CRYBB3: variants seen among roughly 807,000 people sequenced by gnomAD.
CRYBB3 encodes the protein crystallin beta B3.
A neutral mutation model predicts 28.3 loss-of-function variants in CRYBB3; 35 were observed. That is an observed-to-expected ratio of 1.24 (90% CI 0.95 to 1.64). The LOEUF is 1.64. Ranked by LOEUF, CRYBB3 falls within the 40% of genes most tolerant of loss-of-function variation. The pLI is 0.00. For missense variants in CRYBB3, 296 were observed against 297.4 expected, an observed-to-expected ratio of 1.00 and a Z score of 0.04; for synonymous variants, 106 against 110.4, an observed-to-expected ratio of 0.96 and a Z score of 0.25.
chr22:25,205,456 A>G lies in CRYBB3; in HGVS notation c.470+94A>G. The G allele has an allele frequency of 2.4e-6, 3 of 1,238,968 alleles. 1 individual carries two copies. Among genetic ancestry groups the G allele is most frequent in the Admixed American group, 6.6e-5 (2 of 30,340 alleles). The allele number at this position is 1,238,968 out of a possible 1,614,324, so 76.7% of individuals were successfully genotyped here. On this transcript the variant is annotated intron_variant, in intron 5 of 5. Transcript: ENST00000215855. ...AGTGCCCATAGTTTCTTATTATTTT[A>G]TTTATTTATTTATTTATTTTTGAGA...
chr22:25,207,132 G>C lies in CRYBB3; in HGVS notation c.556G>C (p.Ala186Pro). The C allele has an allele frequency of 6.2e-7, 1 of 1,613,346 alleles. No homozygotes were observed. The highest frequency in any genetic ancestry group is 1.1e-5 in the South Asian group (1 of 91,076). ...GEYRHWNEWDASQPQLQSVRR... is the reference protein window; with the variant it reads ...GEYRHWNEWDPSQPQLQSVRR... Reference sequence around the variant, plus strand: ...GTACCGCCACTGGAATGAGTGGGACGCCAGCCAGCCGCAGCTGCAGTCTGT... The same window carrying C: ...GTACCGCCACTGGAATGAGTGGGACCCCAGCCAGCCGCAGCTGCAGTCTGT... Residue 186 changes from alanine (A) to proline (P), a missense_variant, in exon 6 of 6, where the codon GCC becomes CCC. Physicochemically the swap from Ala to Pro is conservative, Grantham distance 27. Transcript: ENST00000215855.
intron 1 of CRYBB3, among the ~76,000 whole-genome samples, 163 bp downstream of exon 1, chr22:25,200,072 G>C (rs1268906607): frequency 6.6e-6 from 1 of 152,150 alleles, no homozygotes; most frequent in East Asian, 1.9e-4. Context: ...AGCCCAGCTG[G>C]GGGTGGAACG....
chr22:25,205,781 A>G (rs532519348), intron 5 of CRYBB3, among the ~76,000 whole-genome samples: 2 of 152,114 alleles, frequency 1.3e-5, no homozygotes, highest in Non-Finnish European at 2.9e-5. Flanking sequence ...AGTTTCTTGC[A>G]TGATTCATGT....
chr22:25,201,416 C>CA lies in CRYBB3; in HGVS notation c.21dup (p.Pro8ThrfsTer63). 1 of 1,613,402 alleles carries CA rather than the reference C, an allele frequency of 6.2e-7. No homozygotes were observed. Among genetic ancestry groups the CA allele is most frequent in the Admixed American group, 1.7e-5 (1 of 59,994 alleles). On this transcript the variant is annotated frameshift_variant, in exon 2 of 6. Coordinates refer to ENST00000215855, the MANE Select transcript of CRYBB3 (RefSeq NM_004076.5). LOFTEE classifies it high-confidence loss of function. Reference sequence around the variant, plus strand: ...GGGGAGATGGCGGAACAGCACGGAGCACCCGAACAGGCTGCAGCTGGCAAG... The same window carrying CA: ...GGGGAGATGGCGGAACAGCACGGAGCAACCCGAACAGGCTGCAGCTGGCAAG...
chr22:25,205,681 A>G (rs1193858380), intron 5 of CRYBB3, among the ~76,000 whole-genome samples: 3 of 151,800 alleles, frequency 2.0e-5, no homozygotes, highest in Admixed American at 2.0e-4. Flanking sequence ...GGATGGTCTC[A>G]ATCTCCTGAC....
chr22:25,201,611 CCT>C (rs1190639146), intron 2 of CRYBB3, 140 bp downstream of exon 2: 2 of 1,408,634 alleles, frequency 1.4e-6, no homozygotes, highest in Non-Finnish European at 1.9e-6. Flanking sequence ...CCGGGTGGGT[CCT>C]CTCACTGCCA....
intron 1 of CRYBB3, 146 bp downstream of exon 1, chr22:25,200,055 C>A (rs1051766925): frequency 1.3e-4 from 20 of 152,230 alleles, no homozygotes; most frequent in African/African-American, 3.6e-4. Context: ...AGTGAGAGGA[C>A]CCTGACAGCC....
intron 5 of CRYBB3, 77 bp from the exon 6 acceptor site, chr22:25,206,970 G>C: frequency 1.9e-6 from 2 of 1,077,582 alleles, no homozygotes; most frequent in Non-Finnish European, 2.9e-6. Context: ...GGCAGGCAGA[G>C]TGCATGGTCA....
chr22:25,204,117 A>G (rs559345693), intron 4 of CRYBB3, among the ~76,000 whole-genome samples: 130 of 152,352 alleles, frequency 8.5e-4, no homozygotes, highest in African/African-American at 3.1e-3. Flanking sequence ...CACATCTTGA[A>G]TTAAACCAGC....
At chr22:25,204,803 T>C in intron 4 of CRYBB3, among the ~76,000 whole-genome samples, 1 of 152,166 alleles carries the variant, frequency 6.6e-6, no homozygotes, top group African/African-American at 2.4e-5. Context: ...CTTTGTCACA[T>C]AACTGAGTCC....
At position 25,205,482 on chromosome 22, in the gene CRYBB3, C is replaced by T. The variant is rs575348389; in HGVS notation, c.470+120C>T. The T allele has an allele frequency of 8.1e-5, 99 of 1,218,254 alleles. No homozygotes were observed. The East Asian group carries it at 1.0e-3, about 12-fold the overall frequency. 75.5% of individuals were successfully genotyped at this position (1,218,254 alleles called of 1,614,324 possible). On this transcript the variant is annotated intron_variant, in intron 5 of 5. Coordinates refer to ENST00000215855, the MANE Select transcript of CRYBB3 (RefSeq NM_004076.5). ...TTTATTTATTTATTTATTTTTGAGA[C>T]GGAGTCTTGCTCTGTCGCCCAGGCT...
rs191700469 is a variant in CRYBB3, at chr22:25,201,270, C to A, written c.-20-107C>A. 214 of 1,570,860 alleles carry A rather than the reference C, an allele frequency of 1.4e-4. 1 individual carries two copies. In the African/African-American group the frequency reaches 2.6e-3, roughly 19 times the overall value. On this transcript the variant is annotated intron_variant, in intron 1 of 5. Transcript: ENST00000215855. ...CTGAATGTCGATCATAAGTTACAGC[C>A]ACGCCCCATGGGCAGCAAGGCTCTG...
Position 25,207,335 on chromosome 22 carries a change from C to G in CRYBB3, c.*123C>G. On this transcript the variant is annotated 3_prime_UTR_variant, in exon 6 of 6. Coordinates refer to ENST00000215855, the MANE Select transcript of CRYBB3 (RefSeq NM_004076.5). ...CTTCCCTGGAATCTGCTCAATAAAG[C>G]CTGGGGTTGGTCCCCCACCCGCCAC... 1 of 899,348 alleles carries G rather than the reference C, an allele frequency of 1.1e-6. No individual in the cohort carries two copies. The highest frequency in any genetic ancestry group is 1.7e-5 in the African/African-American group (1 of 59,898). 55.7% of individuals were successfully genotyped at this position (899,348 alleles called of 1,614,324 possible).
chr22:25,207,050 G>A lies in CRYBB3; in HGVS notation c.474G>A (p.Trp158Ter). 1.9e-6 allele frequency: 3 copies of A among 1,613,014 alleles called. No homozygotes were observed. The highest frequency in any genetic ancestry group is 1.7e-6 in the Non-Finnish European group (2 of 1,179,134). ...VASVRAINGTWVGYEFPGYRG... is the reference protein window; with the variant it reads ...VASVRAINGT The stretch of plus-strand genomic sequence containing the variant: ...CTCAACCTTGGTCTCCCGGCAGGTG[G>A]GTTGGCTATGAGTTCCCCGGCTACC... Residue 158 changes from tryptophan to a stop codon, truncating the protein, a stop_gained, in exon 6 of 6, where the codon TGG becomes TGA. Transcript: ENST00000215855. LOFTEE classifies it high-confidence loss of function.
At chr22:25,203,717 C>T in intron 3 of CRYBB3, 46 bp from the exon 4 acceptor site, 1 of 1,613,134 alleles carries the variant, frequency 6.2e-7, no homozygotes, top group Non-Finnish European at 8.5e-7. Flanking sequence ...TGAATCCTTC[C>T]TCAGCTGCAG....
At chr22:25,201,335 C>T in intron 1 of CRYBB3, 42 bp from the exon 2 acceptor site, 2 of 1,606,458 alleles carry the variant, frequency 1.2e-6, no homozygotes, top group Middle Eastern at 1.7e-4. Flanking sequence ...CACCTGGCTT[C>T]TCCCGGGTGG....
chr22:25,201,497 G>A (rs754537825), intron 2 of CRYBB3, 26 bp downstream of exon 2: 2 of 1,610,194 alleles, frequency 1.2e-6, no homozygotes, highest in African/African-American at 2.7e-5. Flanking sequence ...GGGGTCAGAG[G>A]GCCCAGGCTA....
At chr22:25,205,586 A>G (rs1935019902) in intron 5 of CRYBB3, among the ~76,000 whole-genome samples, 1 of 151,998 alleles carries the variant, frequency 6.6e-6, no homozygotes, top group Non-Finnish European at 1.5e-5. Context: ...CAGCCTCCCG[A>G]GTAGCTGGGA....
chr22:25,205,109 G>T lies in CRYBB3; in HGVS notation c.328-111G>T, dbSNP rs150956294. 0.034 allele frequency: 49,222 copies of T among 1,432,134 alleles called. 1,092 individuals carry two copies. The highest frequency in any genetic ancestry group is 0.04 in the Non-Finnish European group (40,677 of 1,029,552). 88.7% of individuals were successfully genotyped at this position (1,432,134 alleles called of 1,614,324 possible). A position where few individuals can be genotyped will look rare whatever the true frequency, so the allele number is the denominator to read the frequency against. ...GCCCTTCCCTCCTGCAGCAGGTTTG[G>T]GGGTGGGTGTTATTTTGTGGTGACC... On this transcript the variant is annotated intron_variant, in intron 4 of 5. Transcript: ENST00000215855.
Sources: allele counts gnomAD v4.1 joint callset (sites outside exome capture counted in the v4.1 genomes callset), GRCh38; gene constraint gnomAD v4.1.1; transcripts MANE v1.5; gene names NCBI Gene and HGNC (gene_info 2026-07-23, HGNC 2026-07-21).